Variants in FAM13A observed in about 807,000 individuals in gnomAD.
FAM13A encodes the protein family with sequence similarity 13 member A, also known as protein FAM13A.
A neutral mutation model predicts 129.6 loss-of-function variants in FAM13A; 76 were observed. The observed-to-expected ratio is 0.59, with a 90% CI of 0.49 to 0.71. FAM13A has a LOEUF of 0.71. FAM13A is among the 30% of genes least tolerant of loss of function. The pLI is 0.00. For missense variants in FAM13A, 1,108 were observed against 1,249.3 expected, an observed-to-expected ratio of 0.89 and a Z score of 1.70; for synonymous variants, 443 against 449.9, an observed-to-expected ratio of 0.98 and a Z score of 0.20.
chr4:88,853,833 G>A (rs1449151453), intron 6 of FAM13A, among the ~76,000 whole-genome samples: 2 of 152,228 alleles, frequency 1.3e-5, no homozygotes, highest in African/African-American at 4.8e-5. Flanking sequence ...GCAGAGGAAC[G>A]TGGAAGGACT....
rs1761578124 is a variant in FAM13A at position 88,980,902 on chromosome 4, C to T, written c.605+10071G>A. 2.0e-5 allele frequency among the ~76,000 whole-genome samples: 3 copies of T among 152,126 alleles called. 1 individual carries two copies. The highest frequency in any genetic ancestry group is 4.4e-5 in the Non-Finnish European group (3 of 68,018). On this transcript the variant is annotated intron_variant, in intron 4 of 23. Transcript: ENST00000264344. ...GTAAATATTATACCAGTAAATTAAA[C>T]TCTAACTTATTGTGTTGTTTTTCTG...
chr4:88,740,385 C>T (rs1216058698), intron 19 of FAM13A, among the ~76,000 whole-genome samples: 1 of 152,158 alleles, frequency 6.6e-6, no homozygotes, highest in African/African-American at 2.4e-5. Context: ...TTTTTGTATC[C>T]CTAGTAACTA....
chr4:88,960,924 T>A (rs1283094107), intron 4 of FAM13A, among the ~76,000 whole-genome samples: 1 of 152,160 alleles, frequency 6.6e-6, no homozygotes, highest in African/African-American at 2.4e-5. Context: ...TTTAAAAAAA[T>A]TATATTTATG....
intron 4 of FAM13A, among the ~76,000 whole-genome samples, chr4:88,951,983 T>G (rs989175730): frequency 6.6e-6 from 1 of 152,230 alleles, no homozygotes. Context: ...TAGTTCCTTT[T>G]CAACTTATTT....
intron 8 of FAM13A, among the ~76,000 whole-genome samples, chr4:88,791,919 C>T (rs1725254286): frequency 6.6e-6 from 1 of 151,956 alleles, no homozygotes; most frequent in Non-Finnish European, 1.5e-5. Flanking sequence ...CTCATTATCC[C>T]AGAGGTGATC....
chr4:88,747,543 T>G (rs985763232), intron 18 of FAM13A, 88 bp downstream of exon 18: 9 of 1,081,342 alleles, frequency 8.3e-6, no homozygotes, highest in Middle Eastern at 2.8e-4. Flanking sequence ...GGCATCATCT[T>G]CCCACTGGGA....
chr4:88,851,239 CA>C, intron 6 of FAM13A, 56 bp from the exon 7 acceptor site: 4 of 1,420,982 alleles, frequency 2.8e-6, no homozygotes, highest in Non-Finnish European at 3.8e-6. Flanking sequence ...TAAAGTCTTT[CA>C]AATTAAGTTT....
At chr4:88,951,045 T>C (rs1579453162) in intron 4 of FAM13A, among the ~76,000 whole-genome samples, 3 of 152,242 alleles carry the variant, frequency 2.0e-5, no homozygotes, top group East Asian at 1.9e-4. Flanking sequence ...TCCTCTGTTA[T>C]GCTGTAGGCT....
intron 8 of FAM13A, among the ~76,000 whole-genome samples, chr4:88,800,092 G>A (rs978701553): frequency 9.2e-5 from 14 of 152,256 alleles, no homozygotes; most frequent in South Asian, 2.1e-4. Flanking sequence ...TGAGGTACCC[G>A]GAGTAGTCAA....
rs537347811 is a variant in FAM13A, at chr4:88,956,488, T to C, written c.606-18247A>G. 1.1e-4 allele frequency among the ~76,000 whole-genome samples: 17 copies of C among 152,340 alleles called. No individual in the cohort carries two copies. The South Asian group carries it at 3.3e-3, about 30-fold the overall frequency. ...TGACGCATTTCTCAACATGACTGTA[T>C]ACTTCAATAAAGCTATTATTTAAAA... On this transcript the variant is annotated intron_variant, in intron 4 of 23. Transcript: ENST00000264344.
chr4:88,846,098 C>T lies in FAM13A; in HGVS notation c.1007+4922G>A, dbSNP rs183279073. On this transcript the variant is annotated intron_variant, in intron 7 of 23. Transcript: ENST00000264344. The stretch of plus-strand genomic sequence containing the variant: ...AATATTAATCTCTTTATGAGACAAC[C>T]GAGTACAAAACTTTCATTAATTGTC... Among the ~76,000 whole-genome samples, 4 of 152,064 alleles carry T rather than the reference C, an allele frequency of 2.6e-5. No homozygotes were observed. In the East Asian group the frequency reaches 7.7e-4, roughly 29 times the overall value.
chr4:88,876,579 AC>A (rs1381033334), intron 6 of FAM13A, among the ~76,000 whole-genome samples: 1 of 151,058 alleles, frequency 6.6e-6, no homozygotes, highest in Non-Finnish European at 1.5e-5. Context: ...ATATACACCT[AC>A]CCCCTGGTCA....
intron 2 of FAM13A, among the ~76,000 whole-genome samples, chr4:89,023,423 CAT>C (rs1767534110): frequency 6.6e-6 from 1 of 151,942 alleles, no homozygotes. Context: ...TCTGATTTCA[CAT>C]GATGTTGTTT....
chr4:88,951,603 A>T (rs1756966475), intron 4 of FAM13A, among the ~76,000 whole-genome samples: 1 of 152,154 alleles, frequency 6.6e-6, no homozygotes. Context: ...TCTCCCCTGC[A>T]CTTTGGGGTC....
intron 11 of FAM13A, among the ~76,000 whole-genome samples, chr4:88,768,686 G>T (rs1026533135): frequency 6.6e-6 from 1 of 151,996 alleles, no homozygotes; most frequent in Non-Finnish European, 1.5e-5. Context: ...AAACAGAAAT[G>T]AAAATTTAAG....
At chr4:88,923,315 C>G (rs1331409406) in intron 5 of FAM13A, among the ~76,000 whole-genome samples, 3 of 152,166 alleles carry the variant, frequency 2.0e-5, no homozygotes, top group Non-Finnish European at 2.9e-5. Context: ...AAAATACTGG[C>G]AAACCGAATT....
rs930238699 is a variant in FAM13A, at chr4:88,969,222, G to T, written c.605+21751C>A. Among the ~76,000 whole-genome samples the T allele has an allele frequency of 2.6e-5, 4 of 152,106 alleles. 1 individual carries two copies. Among genetic ancestry groups the T allele is most frequent in the Admixed American group, 2.6e-4 (4 of 15,268 alleles). On this transcript the variant is annotated intron_variant, in intron 4 of 23. Transcript: ENST00000264344. ...GGAAATAAAAAATTTAAAAGAAAAAGATAAGACTCCAGGATAATTTTCATA... is the reference window on the plus strand; with the variant it reads ...GGAAATAAAAAATTTAAAAGAAAAATATAAGACTCCAGGATAATTTTCATA...
At position 88,762,944 on chromosome 4, in the gene FAM13A, A is replaced by C. The variant is rs1292076184; in HGVS notation, c.1579-4043T>G. On this transcript the variant is annotated intron_variant, in intron 13 of 23. Transcript: ENST00000264344. ...TCCTTGTACCGTGATGTCATACACT[A>C]AACATTGTCAAAAATGCTGCACTAT... Among the ~76,000 whole-genome samples the C allele has an allele frequency of 2.0e-5, 3 of 152,344 alleles. No homozygotes were observed. In the East Asian group the frequency reaches 5.8e-4, roughly 29 times the overall value.
At chr4:89,025,946 T>C (rs527574978) in intron 2 of FAM13A, among the ~76,000 whole-genome samples, 1 of 152,334 alleles carries the variant, frequency 6.6e-6, no homozygotes, top group Non-Finnish European at 1.5e-5. Context: ...TTTAACCACA[T>C]AATTTTATTA....
Sources: allele counts gnomAD v4.1 joint callset (sites outside exome capture counted in the v4.1 genomes callset), GRCh38; gene constraint gnomAD v4.1.1; transcripts MANE v1.5; gene names NCBI Gene and HGNC (gene_info 2026-07-23, HGNC 2026-07-21).